Variants in ADCY9 observed in about 807,000 individuals in gnomAD.
ADCY9 encodes adenylate cyclase type 9.
Under a neutral mutation model 101.5 loss-of-function variants are expected in ADCY9, and 50 were observed. The observed-to-expected ratio is 0.49, with a 90% CI of 0.39 to 0.62. The LOEUF is 0.62. ADCY9 is among the 20% of genes least tolerant of loss of function. The probability of loss-of-function intolerance (pLI) is 0.00; values close to 1 mark genes in which losing one functional copy is unlikely to be tolerated. For missense variants in ADCY9, 1,662 were observed against 1,800.4 expected (o/e 0.92, Z 1.39); for synonymous variants, 905 against 769.3 (o/e 1.18, Z -2.92).
At chr16:4,103,016 G>A (rs916639145) in intron 2 of ADCY9, among the ~76,000 whole-genome samples, 1 of 152,190 alleles carries the variant, frequency 6.6e-6, no homozygotes, top group Non-Finnish European at 1.5e-5. Flanking sequence ...GCCATGGCCA[G>A]CTCGAAGTTG....
At chr16:4,076,810 C>A (rs1342741135) in intron 2 of ADCY9, among the ~76,000 whole-genome samples, 1 of 152,172 alleles carries the variant, frequency 6.6e-6, no homozygotes, top group Non-Finnish European at 1.5e-5. Flanking sequence ...GGGGCGGTGG[C>A]TCACGCCTGT....
chr16:4,002,568 G>A (rs1434931568), intron 3 of ADCY9, among the ~76,000 whole-genome samples: 1 of 152,170 alleles, frequency 6.6e-6, no homozygotes, highest in Admixed American at 6.5e-5. Context: ...AAGCAGCCCG[G>A]GGTTCTGAAT....
At chr16:3,977,735 T>G in intron 8 of ADCY9, 105 bp from the exon 9 acceptor site, 1 of 1,406,514 alleles carries the variant, frequency 7.1e-7, no homozygotes, top group Non-Finnish European at 9.5e-7. Context: ...CCTTTTTTTT[T>G]TGACTGAGTC....
intron 2 of ADCY9, among the ~76,000 whole-genome samples, chr16:4,067,450 C>G (rs1295946050): frequency 3.3e-5 from 5 of 152,188 alleles, no homozygotes; most frequent in Admixed American, 3.3e-4. Flanking sequence ...GCATTAGACA[C>G]ACCACAACTC....
At chr16:3,974,846 AC>A (rs2056081018) in intron 9 of ADCY9, 136 bp from the exon 10 acceptor site, 2 of 655,516 alleles carry the variant, frequency 3.1e-6, no homozygotes, top group Admixed American at 5.0e-5. Flanking sequence ...ACCTGCTCCC[AC>A]CTCTTTCTTC....
At chr16:4,064,118 T>C (rs1421096067) in intron 2 of ADCY9, among the ~76,000 whole-genome samples, 2 of 152,146 alleles carry the variant, frequency 1.3e-5, no homozygotes, top group Non-Finnish European at 2.9e-5. Context: ...TATCAGGAAA[T>C]CAACTGTTTT....
chr16:3,970,793 C>G (rs1273895471), intron 10 of ADCY9, among the ~76,000 whole-genome samples: 1 of 152,258 alleles, frequency 6.6e-6, no homozygotes, highest in South Asian at 2.1e-4. Flanking sequence ...CCCATCCTGG[C>G]TGGACCGCGG....
At chr16:3,980,339 AGGAG>A (rs2056130554) in intron 7 of ADCY9, among the ~76,000 whole-genome samples, 1 of 152,170 alleles carries the variant, frequency 6.6e-6, no homozygotes, top group Non-Finnish European at 1.5e-5. Context: ...CACTGTGAGG[AGGAG>A]GAACAGGTCT....
chr16:4,022,823 A>G (rs1351127403), intron 2 of ADCY9, among the ~76,000 whole-genome samples: 1 of 152,198 alleles, frequency 6.6e-6, no homozygotes, highest in East Asian at 1.9e-4. Context: ...TAAAAATTAA[A>G]CGGAGAAAAT....
chr16:4,106,319 G>A (rs958337808), intron 2 of ADCY9, among the ~76,000 whole-genome samples: 6 of 152,102 alleles, frequency 3.9e-5, no homozygotes, highest in Non-Finnish European at 1.5e-5. Flanking sequence ...CTTCCCAGGG[G>A]AGGACCACCC....
chr16:4,019,769 C>T (rs2056462358), intron 2 of ADCY9, among the ~76,000 whole-genome samples: 1 of 152,170 alleles, frequency 6.6e-6, no homozygotes. Flanking sequence ...AACAAGACAG[C>T]TGAGTACTTA....
intron 2 of ADCY9, among the ~76,000 whole-genome samples, chr16:4,038,671 T>G (rs1251730541): frequency 6.6e-6 from 1 of 152,082 alleles, no homozygotes; most frequent in Admixed American, 6.6e-5. Context: ...ACAGAGTAGT[T>G]GGGTCTCATC....
intron 9 of ADCY9, 37 bp from the exon 10 acceptor site, chr16:3,974,747 G>C: frequency 6.4e-7 from 1 of 1,555,236 alleles, no homozygotes; most frequent in Non-Finnish European, 8.9e-7. Context: ...ATCATAAAGA[G>C]CAAAGAAGGC....
chr16:4,074,283 A>T (rs1356243145), intron 2 of ADCY9, among the ~76,000 whole-genome samples: 1 of 152,056 alleles, frequency 6.6e-6, no homozygotes, highest in Non-Finnish European at 1.5e-5. Flanking sequence ...AATAAATGGT[A>T]TAATATTTGG....
intron 2 of ADCY9, among the ~76,000 whole-genome samples, chr16:4,046,179 C>G (rs535096303): frequency 1.1e-4 from 16 of 152,200 alleles, no homozygotes; most frequent in African/African-American, 3.4e-4. Flanking sequence ...TAATGACGAA[C>G]CTGAGCTGAG....
At chr16:4,066,379 G>C (rs1020412631) in intron 2 of ADCY9, among the ~76,000 whole-genome samples, 1 of 152,030 alleles carries the variant, frequency 6.6e-6, no homozygotes, top group Non-Finnish European at 1.5e-5. Flanking sequence ...ACTGAGCAGT[G>C]ATTTTACCTT....
intron 2 of ADCY9, among the ~76,000 whole-genome samples, chr16:4,016,448 G>A (rs576316049): frequency 3.9e-5 from 6 of 152,246 alleles, no homozygotes; most frequent in Non-Finnish European, 8.8e-5. Context: ...AGGTCACGTC[G>A]GCAGAGGGAG....
rs7203833 is a variant in ADCY9 at position 4,044,666 on chromosome 16, T to A, written c.1694-37108A>T. Reference sequence around the variant, plus strand: ...AGTTTTATCTCTGGAGCTTCATAGATCCCAACAGAGAAGGCTGATCTATTT... The same window carrying A: ...AGTTTTATCTCTGGAGCTTCATAGAACCCAACAGAGAAGGCTGATCTATTT... On this transcript the variant is annotated intron_variant, in intron 2 of 10. Transcript: ENST00000294016. Among the ~76,000 whole-genome samples the A allele has an allele frequency of 4.6e-3, 700 of 152,228 alleles. 3 individuals carry two copies. The highest frequency in any genetic ancestry group is 0.015 in the African/African-American group (622 of 41,528).
At chr16:4,009,749 C>T (rs1175747778) in intron 2 of ADCY9, among the ~76,000 whole-genome samples, 2 of 152,198 alleles carry the variant, frequency 1.3e-5, no homozygotes, top group East Asian at 1.9e-4. Context: ...CTGTCCCAGG[C>T]GACACCAGAC....
Sources: gnomAD v4.1 joint callset for allele counts (sites outside exome capture counted in the v4.1 genomes callset) on GRCh38, gnomAD v4.1.1 for gene constraint, MANE v1.5 for transcripts, NCBI Gene and HGNC (gene_info 2026-07-23, HGNC 2026-07-21) for gene names.